The following RPAP1 variants were observed in gnomAD, a reference collection of about 807,000 sequenced individuals.
RPAP1 encodes the protein RNA polymerase II-associated protein 1.
RPAP1 carries 109 observed loss-of-function variants against 142.4 expected under a neutral mutation model. The observed-to-expected ratio is 0.77, with a 90% CI of 0.66 to 0.90. The LOEUF is 0.90. Among genes scored for constraint, RPAP1 ranks in the 40% least tolerant of loss-of-function variants. RPAP1 has a pLI of 0.00. For synonymous variants in RPAP1, 704 were observed against 738.9 expected (o/e 0.95, Z 0.77); for missense variants, 1,546 against 1,751.7 (o/e 0.88, Z 2.10).
At chr15:41,528,064 G>T (rs745914329) in intron 10 of RPAP1, 37 bp from the exon 11 acceptor site, 1 of 1,608,360 alleles carries the variant, frequency 6.2e-7, no homozygotes, top group Non-Finnish European at 8.5e-7. Context: ...TGAAGATGCT[G>T]AAGTTATCTA....
chr15:41,539,773 C>T (rs1001274490), intron 1 of RPAP1, among the ~76,000 whole-genome samples: 2 of 151,876 alleles, frequency 1.3e-5, no homozygotes, highest in Non-Finnish European at 1.5e-5. Flanking sequence ...CTCGGTGGCT[C>T]ACATCAGTAA....
chr15:41,543,722 C>T (rs1241858869), intron 1 of RPAP1, among the ~76,000 whole-genome samples: 1 of 152,102 alleles, frequency 6.6e-6, no homozygotes, highest in Non-Finnish European at 1.5e-5. Context: ...CAGATTTGTC[C>T]AGAACCAATC....
intron 22 of RPAP1, chr15:41,519,976 TG>T (rs932258922): frequency 1.2e-4 from 26 of 223,196 alleles, no homozygotes; most frequent in African/African-American, 5.9e-4. Flanking sequence ...GCTCTGTCAC[TG>T]GGCTGGGGTG....
chr15:41,526,790 G>C (rs953657964), intron 14 of RPAP1, 108 bp downstream of exon 14: 2 of 1,103,002 alleles, frequency 1.8e-6, no homozygotes, highest in African/African-American at 3.1e-5. Flanking sequence ...GGATCAGAGA[G>C]GAAGAAGATG....
chr15:41,536,729 T>C, intron 2 of RPAP1, 80 bp from the exon 3 acceptor site: 1 of 1,536,034 alleles, frequency 6.5e-7, no homozygotes, highest in Non-Finnish European at 8.8e-7. Flanking sequence ...GAAAGACAGC[T>C]GCCATGGGGC....
rs1366707366 is a variant in RPAP1, at chr15:41,538,599, TTCTC to T, written c.-76-1402_-76-1399del. Among the ~76,000 whole-genome samples the T allele has an allele frequency of 2.0e-4, 30 of 152,356 alleles. No individual in the cohort carries two copies. The East Asian group carries it at 2.3e-3, about 12-fold the overall frequency. The stretch of plus-strand genomic sequence containing the variant: ...TGATAAAATATGCATATTTCTATTT[TTCTC>T]TATATACTGTAAATTTATGTACTTT... On this transcript the variant is annotated intron_variant, in intron 1 of 24. Coordinates refer to ENST00000304330, the MANE Select transcript of RPAP1 (RefSeq NM_015540.4).
At chr15:41,527,627 G>A (rs2051807546) in intron 11 of RPAP1, 22 bp from the exon 12 acceptor site, 3 of 1,600,674 alleles carry the variant, frequency 1.9e-6, no homozygotes, top group Non-Finnish European at 2.6e-6. Flanking sequence ...ACGGGAGTTG[G>A]GGGGCAATGC....
chr15:41,532,277 C>G (rs1156259871), intron 6 of RPAP1, among the ~76,000 whole-genome samples: 1 of 152,192 alleles, frequency 6.6e-6, no homozygotes, highest in Non-Finnish European at 1.5e-5. Context: ...ACCTCAGCCT[C>G]CCAAAGTGCT....
chr15:41,523,209 C>G, intron 18 of RPAP1, 36 bp downstream of exon 18: 1 of 1,392,452 alleles, frequency 7.2e-7, no homozygotes, highest in Non-Finnish European at 9.9e-7. Context: ...ATTGCCTCCT[C>G]CCCTGCTTCC....
At position 41,531,118 on chromosome 15, in the gene RPAP1, C is replaced by T; in HGVS notation, c.848G>A (p.Gly283Glu). ...CTTGGTGACATTAGCAGAGGGTCCT[C>T]CTGGCCTCTGCTCCTCAGAGGCTGT... ...GETASEEQRP[G>E]GPSANVTKEE... Residue 283 changes from glycine to glutamate, a missense_variant, in exon 7 of 25, where the codon GGA becomes GAA. This residue lies in a region of RPAP1 where 1,333 missense variants were observed against 1,486.6 expected (regional missense o/e 0.90). Coordinates refer to ENST00000304330, the MANE Select transcript of RPAP1 (RefSeq NM_015540.4). 1 of 1,613,952 alleles carries T rather than the reference C, an allele frequency of 6.2e-7. No individual in the cohort carries two copies. Among genetic ancestry groups the T allele is most frequent in the Non-Finnish European group, 8.5e-7 (1 of 1,179,890 alleles).
chr15:41,523,446 C>T (rs1455763618), intron 17 of RPAP1, 92 bp from the exon 18 acceptor site: 2 of 841,858 alleles, frequency 2.4e-6, no homozygotes, highest in Non-Finnish European at 1.9e-6. Context: ...TCCCAACAGC[C>T]CAAAAGAGCA....
chr15:41,531,612 T>TAC (rs2051848556), intron 6 of RPAP1, among the ~76,000 whole-genome samples: 42 of 24,204 alleles, frequency 1.7e-3, no homozygotes, highest in Middle Eastern at 0.015. Flanking sequence ...TATATATATA[T>TAC]ATATATATAT....
chr15:41,536,897 G>A lies in RPAP1; in HGVS notation c.181+48C>T, dbSNP rs117631398. The A allele has an allele frequency of 4.6e-3, 7,233 of 1,589,232 alleles. 30 individuals carry two copies. The highest frequency in any genetic ancestry group is 5.5e-3 in the Non-Finnish European group (6,417 of 1,163,418). On this transcript the variant is annotated intron_variant, in intron 2 of 24. Coordinates refer to ENST00000304330, the MANE Select transcript of RPAP1 (RefSeq NM_015540.4). ...CCACAACAGGAAGAGGGAGGGGCCC[G>A]AGGCTGTACCCTCTCTACTTCTCAG...
Position 41,524,430 on chromosome 15 carries a change from G to A in RPAP1, c.2076-176C>T, listed in dbSNP as rs536808270. On this transcript the variant is annotated intron_variant, in intron 15 of 24. Transcript: ENST00000304330. ...GGAAAGGATGTTGTCCTTCAAGGCT[G>A]CCCCCAACAGGGAATTTAAATGTGA... is the stretch of plus-strand genomic sequence containing the variant. 3.4e-3 allele frequency among the ~76,000 whole-genome samples: 516 copies of A among 151,502 alleles called. 4 individuals are homozygous for A. The highest frequency in any genetic ancestry group is 0.012 in the African/African-American group (483 of 41,182).
rs988622877 is a variant in RPAP1 at position 41,537,142 on chromosome 15, C to T, written c.-17G>A. 5 of 1,611,020 alleles carry T rather than the reference C, an allele frequency of 3.1e-6. No individual in the cohort carries two copies. The highest frequency in any genetic ancestry group is 1.3e-5 in the African/African-American group (1 of 75,026). ...CGACAGCATCTTGCTGCTCCAGCTGCCTCCCCAGTACGACTCTCTCCAGCA... is the reference window on the plus strand; with the variant it reads ...CGACAGCATCTTGCTGCTCCAGCTGTCTCCCCAGTACGACTCTCTCCAGCA... On this transcript the variant is annotated 5_prime_UTR_variant, in exon 2 of 25. Coordinates refer to ENST00000304330, the MANE Select transcript of RPAP1 (RefSeq NM_015540.4).
chr15:41,528,937 G>A (rs2051821447), intron 9 of RPAP1, among the ~76,000 whole-genome samples: 1 of 152,122 alleles, frequency 6.6e-6, no homozygotes, highest in Non-Finnish European at 1.5e-5. Context: ...GGAGGGCATG[G>A]AGAGTGAGCA....
At chr15:41,536,898 A>G (rs557035095) in intron 2 of RPAP1, 47 bp downstream of exon 2, 2 of 1,590,806 alleles carry the variant, frequency 1.3e-6, no homozygotes, top group East Asian at 4.5e-5. Context: ...GAGGGGCCCG[A>G]GGCTGTACCC....
At position 41,522,152 on chromosome 15, in the gene RPAP1, G is replaced by C; in HGVS notation, c.2841C>G (p.Ala947=). ...ACTGCAGGTGGTACTCATGGCGCAGGGCCCATGCAGAGAAAGGTGTGAGGT... is the reference window on the plus strand; with the variant it reads ...ACTGCAGGTGGTACTCATGGCGCAGCGCCCATGCAGAGAAAGGTGTGAGGT... ...APHLTPFSAW[A]LRHEYHLQYL... is the part of the protein sequence containing the mutation. The change falls in exon 20 of 25, where the codon GCC becomes GCG. Residue 947 remains alanine (A), a synonymous_variant. Coordinates refer to ENST00000304330, the MANE Select transcript of RPAP1 (RefSeq NM_015540.4). The C allele has an allele frequency of 6.2e-7, 1 of 1,613,974 alleles. No homozygotes were observed. Among genetic ancestry groups the C allele is most frequent in the Non-Finnish European group, 8.5e-7 (1 of 1,179,998 alleles).
At chr15:41,536,837 A>C in intron 2 of RPAP1, 108 bp downstream of exon 2, 1 of 1,405,204 alleles carries the variant, frequency 7.1e-7, no homozygotes, top group Non-Finnish European at 9.8e-7. Flanking sequence ...CAGGCTATGC[A>C]GTGTCTGAAA....
Sources: allele counts gnomAD v4.1 joint callset (sites outside exome capture counted in the v4.1 genomes callset), GRCh38; gene constraint gnomAD v4.1.1; regional missense constraint gnomAD v4.1.1; transcripts MANE v1.5; gene names NCBI Gene and HGNC (gene_info 2026-07-23, HGNC 2026-07-21).